Variants in AKAP7 observed in about 807,000 individuals in gnomAD.
The protein encoded by AKAP7 is A kinase (PRKA) anchor protein 7.
A neutral mutation model predicts 39.5 loss-of-function variants in AKAP7; 39 were observed. The observed-to-expected ratio is 0.99, with a 90% CI of 0.76 to 1.29. The LOEUF (loss-of-function observed/expected upper bound fraction) is 1.29. Ranked by LOEUF, AKAP7 falls within the 50% of genes most tolerant of loss-of-function variation. The probability of loss-of-function intolerance (pLI) is 0.00; values close to 1 mark genes in which losing one functional copy is unlikely to be tolerated. For synonymous variants in AKAP7, 140 were observed against 139.1 expected (o/e 1.01, Z -0.05); for missense variants, 414 against 407.7 (o/e 1.02, Z -0.13).
chr6:131,250,232 A>C, intron 7 of AKAP7: 6 of 1,041,830 alleles, frequency 5.8e-6, no homozygotes, highest in Non-Finnish European at 6.9e-6. Flanking sequence ...AGACATATGC[A>C]AATAGCCAGA....
At chr6:131,254,329 C>T (rs537148364) in intron 7 of AKAP7, among the ~76,000 whole-genome samples, 7 of 152,050 alleles carry the variant, frequency 4.6e-5, no homozygotes, top group African/African-American at 1.4e-4. Context: ...TTTGAATTAC[C>T]TAATTTCTCA....
Position 131,215,569 on chromosome 6 carries a change from A to G in AKAP7, c.703-4092A>G, listed in dbSNP as rs113282823. On this transcript the variant is annotated intron_variant, in intron 6 of 7. Coordinates refer to ENST00000431975, the MANE Select transcript of AKAP7 (RefSeq NM_016377.4). ...GTTCTGTATCAGGAGGATGGTGAAA[A>G]TGAAATAGTGCAAATAACAGCAAAA... Among the ~76,000 whole-genome samples, 9 of 152,338 alleles carry G rather than the reference A, an allele frequency of 5.9e-5. No homozygotes were observed. The East Asian group carries it at 1.3e-3, about 23-fold the overall frequency.
intron 6 of AKAP7, among the ~76,000 whole-genome samples, chr6:131,211,094 G>A (rs1226224355): frequency 9.9e-5 from 15 of 152,150 alleles, no homozygotes; most frequent in African/African-American, 3.6e-4. Flanking sequence ...GTACAAAGTG[G>A]GTATGTGATG....
chr6:131,271,562 T>G (rs560961545), intron 7 of AKAP7, among the ~76,000 whole-genome samples: 1 of 152,282 alleles, frequency 6.6e-6, no homozygotes, highest in South Asian at 2.1e-4. Flanking sequence ...AAAATTTTAT[T>G]TTTTTAAAGA....
At chr6:131,142,615 C>T (rs141913255) in intron 1 of AKAP7, among the ~76,000 whole-genome samples, 2,204 of 152,334 alleles carry the variant, frequency 0.014, 21 homozygotes, top group Middle Eastern at 0.027. Context: ...CACAGAGAAA[C>T]TCTCCTAGGG....
intron 2 of AKAP7, among the ~76,000 whole-genome samples, chr6:131,148,676 G>T (rs968202279): frequency 4.6e-5 from 7 of 152,120 alleles, no homozygotes; most frequent in Admixed American, 4.6e-4. Flanking sequence ...ACAATTCTTT[G>T]CAAACCAGAA....
intron 7 of AKAP7, among the ~76,000 whole-genome samples, chr6:131,279,021 T>G (rs1391727738): frequency 6.6e-6 from 1 of 151,906 alleles, no homozygotes; most frequent in Admixed American, 6.6e-5. Flanking sequence ...TGGAAAGCCT[T>G]GGCAGACAGA....
At chr6:131,171,455 A>G (rs144392653) in intron 5 of AKAP7, among the ~76,000 whole-genome samples, 1 of 152,290 alleles carries the variant, frequency 6.6e-6, no homozygotes, top group Non-Finnish European at 1.5e-5. Flanking sequence ...ATCAAGTCCT[A>G]TTTAGGGGCC....
At chr6:131,182,931 TTTATA>T (rs201032103) in intron 5 of AKAP7, among the ~76,000 whole-genome samples, 1,590 of 152,240 alleles carry the variant, frequency 0.01, 7 homozygotes, top group Middle Eastern at 0.027. Flanking sequence ...AATAACCAAT[TTTATA>T]TTCGCTTTAC....
At chr6:131,176,461 C>A (rs1028543508) in intron 5 of AKAP7, among the ~76,000 whole-genome samples, 9 of 152,088 alleles carry the variant, frequency 5.9e-5, no homozygotes, top group Non-Finnish European at 1.0e-4. Flanking sequence ...TGATTTCATT[C>A]ATTTTTTCAG....
intron 5 of AKAP7, among the ~76,000 whole-genome samples, chr6:131,193,282 GA>G (rs1806593064): frequency 6.6e-6 from 1 of 151,982 alleles, no homozygotes; most frequent in Non-Finnish European, 1.5e-5. Flanking sequence ...AGTTTTTTAT[GA>G]AGGGATGTTG....
intron 7 of AKAP7, among the ~76,000 whole-genome samples, chr6:131,269,295 T>C (rs1814076991): frequency 6.6e-6 from 1 of 152,170 alleles, no homozygotes; most frequent in African/African-American, 2.4e-5. Flanking sequence ...ACTCCTGACT[T>C]CAGGTGATCC....
chr6:131,208,113 T>C (rs1225138019), intron 6 of AKAP7, among the ~76,000 whole-genome samples: 10 of 152,200 alleles, frequency 6.6e-5, no homozygotes, highest in Admixed American at 1.3e-4. Context: ...TGTAATTTCT[T>C]CTGAGATACT....
Position 131,240,698 on chromosome 6 carries a change from C to T in AKAP7, c.850+20890C>T, listed in dbSNP as rs139222837. ...AGCAAGGCTCCATGGGTGTAGGACCCGCCGAGCCAGGCGCAGGATATAATC... is the reference window on the plus strand; with the variant it reads ...AGCAAGGCTCCATGGGTGTAGGACCTGCCGAGCCAGGCGCAGGATATAATC... On this transcript the variant is annotated intron_variant, in intron 7 of 7. Coordinates refer to ENST00000431975, the MANE Select transcript of AKAP7 (RefSeq NM_016377.4). Among the ~76,000 whole-genome samples the T allele has an allele frequency of 7.0e-4, 107 of 152,296 alleles. 1 individual carries two copies. The highest frequency in any genetic ancestry group is 2.3e-3 in the African/African-American group (97 of 41,568).
At chr6:131,224,496 A>G (rs1332228611) in intron 7 of AKAP7, among the ~76,000 whole-genome samples, 1 of 151,958 alleles carries the variant, frequency 6.6e-6, no homozygotes, top group African/African-American at 2.4e-5. Flanking sequence ...GAACTTCCTG[A>G]TATTGTTCAT....
chr6:131,281,322 A>G lies in AKAP7; in HGVS notation c.851-208A>G, dbSNP rs771780777. Among the ~76,000 whole-genome samples the G allele has an allele frequency of 6.6e-6, 1 of 152,226 alleles. No individual in the cohort carries two copies. The highest frequency in any genetic ancestry group is 1.5e-5 in the Non-Finnish European group (1 of 68,042). On this transcript the variant is annotated intron_variant, in intron 7 of 7. Coordinates refer to ENST00000431975, the MANE Select transcript of AKAP7 (RefSeq NM_016377.4). This position sits in a 1 kb window ranked among gnomAD's most constrained non-coding sequence, Gnocchi z 4.0. ...GGTAGAGCTTGTCTAGATTGGGACT[A>G]ATGAACTACTTTTCAATCTGAAGCC...
chr6:131,180,560 A>C (rs964380308), intron 5 of AKAP7, among the ~76,000 whole-genome samples: 2 of 152,130 alleles, frequency 1.3e-5, no homozygotes, highest in Non-Finnish European at 2.9e-5. Flanking sequence ...TAGAATCTTT[A>C]AAATTTAAAA....
At chr6:131,230,976 A>AG (rs1810579230) in intron 7 of AKAP7, among the ~76,000 whole-genome samples, 1 of 152,152 alleles carries the variant, frequency 6.6e-6, no homozygotes, top group East Asian at 1.9e-4. Context: ...CATTTTGAAG[A>AG]GTATAAAGGA....
intron 6 of AKAP7, among the ~76,000 whole-genome samples, chr6:131,217,213 C>T (rs1456371680): frequency 6.6e-6 from 1 of 152,126 alleles, no homozygotes. Context: ...TTTGCCATCC[C>T]AGTGGATTCA....
Sources: gnomAD v4.1 joint callset for allele counts (sites outside exome capture counted in the v4.1 genomes callset) on GRCh38, gnomAD v4.1.1 for gene constraint, Gnocchi (gnomAD v3.1) non-coding constraint, MANE v1.5 for transcripts, NCBI Gene and HGNC (gene_info 2026-07-23, HGNC 2026-07-21) for gene names.